Variants in PAPPA2 observed in about 807,000 individuals in gnomAD.
PAPPA2 encodes pappalysin-2.
PAPPA2 carries 86 observed loss-of-function variants against 176.4 expected under a neutral mutation model. The ratio of observed to expected loss-of-function variants is 0.49; its 90% CI spans 0.41 to 0.58. PAPPA2 has a LOEUF of 0.58. Among genes scored for constraint, PAPPA2 ranks in the 20% least tolerant of loss-of-function variants. The pLI is 0.00. For synonymous variants in PAPPA2, 809 were observed against 852.2 expected, an observed-to-expected ratio of 0.95 and a Z score of 0.88; for missense variants, 2,073 against 2,256.9, an observed-to-expected ratio of 0.92 and a Z score of 1.65.
intron 18 of PAPPA2, among the ~76,000 whole-genome samples, chr1:176,790,344 C>T (rs1665119849): frequency 6.6e-6 from 1 of 152,152 alleles, no homozygotes; most frequent in Admixed American, 6.5e-5. Flanking sequence ...TGAACAGAAA[C>T]ACAAATTCCT....
chr1:176,631,974 A>G (rs578150238), intron 3 of PAPPA2, among the ~76,000 whole-genome samples: 2 of 152,148 alleles, frequency 1.3e-5, no homozygotes, highest in East Asian at 3.9e-4. Context: ...AGGAGAAAGG[A>G]TAGAGGATGA....
chr1:176,615,900 T>A (rs1480106919), intron 3 of PAPPA2, among the ~76,000 whole-genome samples: 2 of 152,200 alleles, frequency 1.3e-5, no homozygotes, highest in African/African-American at 4.8e-5. Context: ...ACAAGTATGG[T>A]GCTGGGTGTT....
At chr1:176,831,045 ACAG>A (rs1294779624) in intron 21 of PAPPA2, among the ~76,000 whole-genome samples, 1 of 152,230 alleles carries the variant, frequency 6.6e-6, no homozygotes, top group African/African-American at 2.4e-5. Context: ...CACATGGAGG[ACAG>A]CAAACACTGA....
At chr1:176,738,262 G>C (rs1662509688) in intron 12 of PAPPA2, among the ~76,000 whole-genome samples, 2 of 151,958 alleles carry the variant, frequency 1.3e-5, no homozygotes, top group African/African-American at 2.4e-5. Flanking sequence ...GAAATAAAAA[G>C]GGGGGGAAAG....
intron 3 of PAPPA2, among the ~76,000 whole-genome samples, chr1:176,627,772 C>T (rs1157397552): frequency 6.6e-6 from 1 of 152,088 alleles, no homozygotes; most frequent in African/African-American, 2.4e-5. Context: ...GGGTCAGAGC[C>T]TGTGAAGGTC....
intron 2 of PAPPA2, among the ~76,000 whole-genome samples, chr1:176,576,241 C>CT (rs2102620736): frequency 6.6e-6 from 1 of 152,280 alleles, no homozygotes; most frequent in South Asian, 2.1e-4. Flanking sequence ...AATCTAGAGA[C>CT]TGTTATTGTT....
intron 21 of PAPPA2, among the ~76,000 whole-genome samples, chr1:176,804,019 C>T (rs547727707): frequency 1.4e-4 from 21 of 152,204 alleles, no homozygotes; most frequent in Admixed American, 6.5e-4. Context: ...GCCTCATTAG[C>T]CTCAACATAG....
At position 176,668,139 on chromosome 1, in the gene PAPPA2, A is replaced by C. The variant is rs183714002; in HGVS notation, c.1992-2831A>C. Among the ~76,000 whole-genome samples the C allele has an allele frequency of 1.2e-3, 184 of 152,306 alleles. 2 individuals carry two copies. Among genetic ancestry groups the C allele is most frequent in the Admixed American group, 9.9e-3 (151 of 15,300 alleles). Reference sequence around the variant, plus strand: ...GGGCATGTCAGAACTAACAAGCTTGAGCAATGGGGCAGAACAGCTTGATAT... The same window carrying C: ...GGGCATGTCAGAACTAACAAGCTTGCGCAATGGGGCAGAACAGCTTGATAT... On this transcript the variant is annotated intron_variant, in intron 3 of 22. Coordinates refer to ENST00000367662, the MANE Select transcript of PAPPA2 (RefSeq NM_020318.3).
intron 3 of PAPPA2, among the ~76,000 whole-genome samples, chr1:176,663,181 C>G (rs1231850056): frequency 1.3e-5 from 2 of 152,120 alleles, no homozygotes; most frequent in African/African-American, 2.4e-5. Flanking sequence ...TTTGTCTTAC[C>G]AGGCCAACTG....
chr1:176,728,256 A>C (rs1275766606), intron 12 of PAPPA2, among the ~76,000 whole-genome samples: 1 of 151,924 alleles, frequency 6.6e-6, no homozygotes, highest in Non-Finnish European at 1.5e-5. Flanking sequence ...TGAGATATAA[A>C]AGAAGTTAAA....
intron 3 of PAPPA2, among the ~76,000 whole-genome samples, chr1:176,621,230 G>A (rs1452687843): frequency 6.6e-6 from 1 of 152,140 alleles, no homozygotes; most frequent in Non-Finnish European, 1.5e-5. Flanking sequence ...AGCTACTTGA[G>A]GTCTTCTGAG....
intron 3 of PAPPA2, among the ~76,000 whole-genome samples, chr1:176,627,828 A>G (rs1175000383): frequency 6.6e-6 from 1 of 152,114 alleles, no homozygotes; most frequent in Non-Finnish European, 1.5e-5. Flanking sequence ...TCCATGGAGA[A>G]AGTCAGGTCA....
At chr1:176,657,238 A>G (rs2102752564) in intron 3 of PAPPA2, among the ~76,000 whole-genome samples, 1 of 152,092 alleles carries the variant, frequency 6.6e-6, no homozygotes, top group East Asian at 1.9e-4. Context: ...AAAAGAAGTT[A>G]TCCTGGAGAT....
chr1:176,734,301 A>G (rs976841046), intron 12 of PAPPA2, among the ~76,000 whole-genome samples: 3 of 152,074 alleles, frequency 2.0e-5, no homozygotes, highest in African/African-American at 7.2e-5. Flanking sequence ...TTGACAAATC[A>G]TACATTGTTG....
At chr1:176,649,985 C>G (rs1657623017) in intron 3 of PAPPA2, among the ~76,000 whole-genome samples, 1 of 151,522 alleles carries the variant, frequency 6.6e-6, no homozygotes, top group African/African-American at 2.4e-5. Context: ...GTCCATTACT[C>G]AGAATGGGCT....
At chr1:176,819,481 G>A (rs1437880398) in intron 21 of PAPPA2, among the ~76,000 whole-genome samples, 1 of 152,110 alleles carries the variant, frequency 6.6e-6, no homozygotes, top group Admixed American at 6.5e-5. Context: ...ATTCTCTTTG[G>A]TTGTGTGACC....
In PAPPA2 at chr1:176,773,803, T is replaced by C. The variant is rs567415747; in HGVS notation, c.4715+2623T>C. Reference sequence around the variant, plus strand: ...AACAATTACTAAAATATCAGCCAAATACATTCCCTTCCTGCTTCTTTTCAA... The same window carrying C: ...AACAATTACTAAAATATCAGCCAAACACATTCCCTTCCTGCTTCTTTTCAA... On this transcript the variant is annotated intron_variant, in intron 17 of 22. Coordinates refer to ENST00000367662, the MANE Select transcript of PAPPA2 (RefSeq NM_020318.3). 5.9e-5 allele frequency among the ~76,000 whole-genome samples: 9 copies of C among 152,294 alleles called. No homozygotes were observed. The Middle Eastern group carries it at 0.01, about 173-fold the overall frequency.
chr1:176,766,034 A>T (rs927141346), intron 15 of PAPPA2, among the ~76,000 whole-genome samples, 197 bp downstream of exon 15: 87 of 152,298 alleles, frequency 5.7e-4, no homozygotes, highest in African/African-American at 2.0e-3. Flanking sequence ...GTGCTGATTA[A>T]GTGGGTTGGT....
intron 12 of PAPPA2, among the ~76,000 whole-genome samples, chr1:176,731,142 C>G (rs1022478566): frequency 6.6e-6 from 1 of 152,064 alleles, no homozygotes; most frequent in Non-Finnish European, 1.5e-5. Flanking sequence ...ATCCTTTTCT[C>G]TATTGCTCTT....
Sources: allele counts gnomAD v4.1 joint callset (sites outside exome capture counted in the v4.1 genomes callset), GRCh38; gene constraint gnomAD v4.1.1; transcripts MANE v1.5; gene names NCBI Gene and HGNC (gene_info 2026-07-23, HGNC 2026-07-21).